Variants in CORO7 observed in about 807,000 individuals in gnomAD.
CORO7 encodes coronin-7.
In CORO7, 107 loss-of-function variants were observed where a neutral mutation model predicts 126.6. The observed-to-expected ratio is 0.85, with a 90% CI of 0.72 to 0.99. The LOEUF is 0.99. Ranked by LOEUF, CORO7 falls within the 50% of genes least tolerant of loss-of-function variation. The probability of loss-of-function intolerance (pLI) is 0.00; values close to 1 mark genes in which losing one functional copy is unlikely to be tolerated. For missense variants in CORO7, 1,314 were observed against 1,255.8 expected (o/e 1.05, Z -0.70); for synonymous variants, 603 against 536.8 (o/e 1.12, Z -1.70).
chr16:4,392,939 G>T (rs1462854711), intron 7 of CORO7, among the ~76,000 whole-genome samples: 1 of 152,214 alleles, frequency 6.6e-6, no homozygotes, highest in East Asian at 1.9e-4. Context: ...CCGCAGGGGG[G>T]CTCCCTCCAG....
intron 3 of CORO7, among the ~76,000 whole-genome samples, chr16:4,411,075 GA>G (rs1333538201): frequency 6.6e-6 from 1 of 152,206 alleles, no homozygotes; most frequent in African/African-American, 2.4e-5. Context: ...CAGTGCACAT[GA>G]CTCGGTCACT....
intron 25 of CORO7, chr16:4,357,680 G>C: frequency 2.2e-6 from 1 of 460,436 alleles, no homozygotes; most frequent in Non-Finnish European, 3.7e-6. Flanking sequence ...CTATGGCGCA[G>C]ATCTAAGAGG....
intron 25 of CORO7, 184 bp from the exon 26 acceptor site, chr16:4,357,443 C>A: frequency 1.7e-6 from 1 of 597,582 alleles, no homozygotes. Context: ...CTGCAACCTC[C>A]GCCTCCTCTG....
At chr16:4,372,002 CTG>C (rs1335065502) in intron 9 of CORO7, 1 of 152,532 alleles carries the variant, frequency 6.6e-6, no homozygotes, top group Non-Finnish European at 1.5e-5. Context: ...CGGTGAGTTT[CTG>C]TGGGGCTGGG....
chr16:4,391,140 T>C (rs1019059096), intron 7 of CORO7, among the ~76,000 whole-genome samples: 4 of 151,864 alleles, frequency 2.6e-5, no homozygotes, highest in Middle Eastern at 3.4e-3. Context: ...AAATGAGAGG[T>C]GGGCTGGGCG....
At chr16:4,395,184 G>A (rs1481019608) in intron 7 of CORO7, 105 bp downstream of exon 7, 2 of 1,529,842 alleles carry the variant, frequency 1.3e-6, no homozygotes, top group African/African-American at 1.4e-5. Flanking sequence ...TGCAGAACAT[G>A]TCTGCCAGGA....
intron 9 of CORO7, chr16:4,381,976 G>C: frequency 6.2e-7 from 1 of 1,608,040 alleles, no homozygotes; most frequent in Non-Finnish European, 8.5e-7. Context: ...CGTGGTGCGG[G>C]AGCCCACAGC....
intron 9 of CORO7, chr16:4,381,955 A>G: frequency 2.5e-6 from 4 of 1,608,694 alleles, no homozygotes; most frequent in South Asian, 1.1e-5. Flanking sequence ...CACAGTGCCC[A>G]CCACGAGGCC....
chr16:4,359,993 A>G (rs1291465167), intron 21 of CORO7, among the ~76,000 whole-genome samples: 1 of 100,600 alleles, frequency 9.9e-6, no homozygotes, highest in Non-Finnish European at 2.0e-5. Context: ...CCCTGCATCC[A>G]TCTCCCCCTT....
chr16:4,385,556 TG>T (rs142032212), intron 9 of CORO7, among the ~76,000 whole-genome samples: 2,491 of 152,274 alleles, frequency 0.016, 30 homozygotes, highest in Middle Eastern at 0.061. Context: ...CAGTGCAGGC[TG>T]CCAGTCCCTC....
intron 9 of CORO7, among the ~76,000 whole-genome samples, chr16:4,383,803 C>A (rs1268006493): frequency 6.6e-6 from 1 of 152,234 alleles, no homozygotes; most frequent in African/African-American, 2.4e-5. Context: ...CCATGTGCGG[C>A]TGGGAGAGGC....
At chr16:4,411,995 G>C (rs1008603485) in intron 3 of CORO7, among the ~76,000 whole-genome samples, 2 of 152,030 alleles carry the variant, frequency 1.3e-5, no homozygotes, top group Non-Finnish European at 2.9e-5. Context: ...GCTGGGCTGG[G>C]GAGGATGCCT....
intron 9 of CORO7, among the ~76,000 whole-genome samples, chr16:4,376,425 AC>A (rs2054733632): frequency 6.6e-6 from 1 of 152,246 alleles, no homozygotes; most frequent in East Asian, 1.9e-4. Context: ...TCAGGGTCAG[AC>A]CTGCAGCGCC....
rs192270517 is a variant in CORO7, at chr16:4,362,493, G to C, written c.1402+119C>G. On this transcript the variant is annotated intron_variant, in intron 15 of 27. Coordinates refer to ENST00000251166, the MANE Select transcript of CORO7 (RefSeq NM_024535.5). This position sits in a 1 kb window ranked among gnomAD's most constrained non-coding sequence, Gnocchi z 5.3. ...CAAATGACCCTGCCAGTGAGTCTGGGTGAGGGGGGTGCCCTGCATGAGGCC... is the reference window on the plus strand; with the variant it reads ...CAAATGACCCTGCCAGTGAGTCTGGCTGAGGGGGGTGCCCTGCATGAGGCC... The C allele has an allele frequency of 3.4e-4, 487 of 1,441,334 alleles. 1 individual carries two copies. In the African/African-American group the frequency reaches 6.1e-3, roughly 18 times the overall value. The allele number at this position is 1,441,334 out of a possible 1,614,324, so 89.3% of individuals were successfully genotyped here.
intron 17 of CORO7, 50 bp from the exon 18 acceptor site, chr16:4,361,298 G>A: frequency 6.2e-7 from 1 of 1,610,636 alleles, no homozygotes; most frequent in Non-Finnish European, 8.5e-7. Flanking sequence ...AGACCTCTGG[G>A]CTCCCCAGCC....
Position 4,362,628 on chromosome 16 carries a change from C to T in CORO7, c.1386G>A (p.Ser462=), listed in dbSNP as rs574030557. The change falls in exon 15 of 28, where the codon TCG becomes TCA. Residue 462 remains serine (S), a synonymous_variant. Coordinates refer to ENST00000251166, the MANE Select transcript of CORO7 (RefSeq NM_024535.5). This position sits in a 1 kb window ranked among gnomAD's most constrained non-coding sequence, Gnocchi z 5.3. ...CCTCCTTACCCAGCAGGCTCTGCAGCGACCTCAAACTGGGGCTGGTCCCGA... is the reference window on the plus strand; with the variant it reads ...CCTCCTTACCCAGCAGGCTCTGCAGTGACCTCAAACTGGGGCTGGTCCCGA... ...SGIGTSPSLR[S]LQSLLGPSSK... is the part of the protein sequence containing the mutation. 2.9e-5 allele frequency: 46 copies of T among 1,559,962 alleles called. No homozygotes were observed. The South Asian group carries it at 4.3e-4, about 14-fold the overall frequency.
At position 4,388,578 on chromosome 16, in the gene CORO7, G is replaced by C. The variant is rs2055276940; in HGVS notation, c.669C>G (p.Thr223=). The C allele has an allele frequency of 1.1e-5, 17 of 1,613,156 alleles. No individual in the cohort carries two copies. The highest frequency in any genetic ancestry group is 1.4e-5 in the Non-Finnish European group (17 of 1,179,852). ...ATCCAGTAGACACAAGGTGCTCCCA[G>C]GTGCCCATCCATGCCAGCCGGCTAT... ...SRDSRLAWMG[T]WEHLVSTGFN... The change falls in exon 8 of 28, where the codon ACC becomes ACG. Residue 223 remains threonine, a synonymous_variant. Transcript: ENST00000251166.
chr16:4,380,285 G>A (rs2141242026), intron 9 of CORO7, among the ~76,000 whole-genome samples: 3 of 152,250 alleles, frequency 2.0e-5, no homozygotes, highest in African/African-American at 7.2e-5. Flanking sequence ...CCACTTCCTG[G>A]CGGCCCGCAG....
chr16:4,385,555 C>T (rs1308665629), intron 9 of CORO7, among the ~76,000 whole-genome samples: 1 of 152,026 alleles, frequency 6.6e-6, no homozygotes, highest in Non-Finnish European at 1.5e-5. Context: ...TCAGTGCAGG[C>T]TGCCAGTCCC....
Sources: allele counts gnomAD v4.1 joint callset (sites outside exome capture counted in the v4.1 genomes callset), GRCh38; gene constraint gnomAD v4.1.1; non-coding constraint Gnocchi (gnomAD v3.1); transcripts MANE v1.5; gene names NCBI Gene and HGNC (gene_info 2026-07-23, HGNC 2026-07-21).